The following SRC variants were observed in gnomAD, a reference collection of about 807,000 sequenced individuals.
SRC encodes proto-oncogene tyrosine-protein kinase Src.
SRC carries 13 observed loss-of-function variants against 62.9 expected under a neutral mutation model. That is an observed-to-expected ratio of 0.21 (90% CI 0.13 to 0.33). The LOEUF is 0.33. SRC is among the 10% of genes least tolerant of loss of function. The pLI is 1.00. For missense variants in SRC, 457 were observed against 737.3 expected (o/e 0.62, Z 4.40); for synonymous variants, 302 against 317.5 (o/e 0.95, Z 0.52).
rs1468609077 is a variant in SRC at position 37,379,757 on chromosome 20, G to A, written c.-172-2862G>A. Among the ~76,000 whole-genome samples the A allele has an allele frequency of 2.7e-5, 4 of 149,954 alleles. No homozygotes were observed. In the East Asian group the frequency reaches 7.8e-4, roughly 29 times the overall value. ...AAATAATAATAATAATTAGCCAGGCGTGGTATTCGGTGACTGTAATCCCAG... is the reference window on the plus strand; with the variant it reads ...AAATAATAATAATAATTAGCCAGGCATGGTATTCGGTGACTGTAATCCCAG... On this transcript the variant is annotated intron_variant, in intron 2 of 13. Transcript: ENST00000373578.
chr20:37,393,380 G>A (rs1055926651), intron 5 of SRC, among the ~76,000 whole-genome samples: 3 of 152,226 alleles, frequency 2.0e-5, no homozygotes, highest in Non-Finnish European at 4.4e-5. Flanking sequence ...GCCCCTGCTT[G>A]CCTCCACCCA....
Position 37,402,339 on chromosome 20 carries a change from G to A in SRC, c.1117-96G>A, listed in dbSNP as rs2070750162. 1 of 1,470,880 alleles carries A rather than the reference G, an allele frequency of 6.8e-7. No homozygotes were observed. Among genetic ancestry groups the A allele is most frequent in the African/African-American group, 1.4e-5 (1 of 70,918 alleles). The allele number at this position is 1,470,880 out of a possible 1,614,324, so 91.1% of individuals were successfully genotyped here. On this transcript the variant is annotated intron_variant, in intron 11 of 13. Transcript: ENST00000373578. The surrounding 1 kb of genome is among the most constrained non-coding windows in gnomAD (Gnocchi z 6.2). ...TGCCTGAAGAAGTGTGGGGAGGGTGGGGAAGGGGTGGTTGGCTCTCCAGCC... is the reference window on the plus strand; with the variant it reads ...TGCCTGAAGAAGTGTGGGGAGGGTGAGGAAGGGGTGGTTGGCTCTCCAGCC...
Position 37,393,957 on chromosome 20 carries a change from A to G in SRC, c.413A>G (p.Asn138Ser). 1 of 1,614,068 alleles carries G rather than the reference A, an allele frequency of 6.2e-7. No homozygotes were observed. Among genetic ancestry groups the G allele is most frequent in the Non-Finnish European group, 8.5e-7 (1 of 1,180,008 alleles). Residue 138 changes from asparagine to serine, a missense_variant, in exon 6 of 14, where the codon AAC becomes AGC. By Grantham distance (46) the Asn-to-Ser change is conservative. Coordinates refer to ENST00000373578, the MANE Select transcript of SRC (RefSeq NM_198291.3). ...GGACAGACAGGCTACATCCCCAGCA[A>G]CTACGTGGCGCCCTCCGACTCCATC... The part of the protein sequence containing the change: ...STGQTGYIPS[N>S]YVAPSDSIQA...
chr20:37,394,595 G>A (rs946493107), intron 7 of SRC, among the ~76,000 whole-genome samples: 5 of 152,122 alleles, frequency 3.3e-5, no homozygotes, highest in African/African-American at 1.2e-4. Context: ...GCTACAATGA[G>A]CCCCGCTTCT....
Position 37,397,914 on chromosome 20 carries a change from C to T in SRC, c.859+60C>T, listed in dbSNP as rs575578637. ...CACCCCCCACCCCGTGTGGCAGCTC[C>T]GGGCTCCCTTGGTCCCTTTGCCTTT... On this transcript the variant is annotated intron_variant, in intron 9 of 13. Coordinates refer to ENST00000373578, the MANE Select transcript of SRC (RefSeq NM_198291.3). This position sits in a 1 kb window ranked among gnomAD's most constrained non-coding sequence, Gnocchi z 4.1. 15 of 1,542,272 alleles carry T rather than the reference C, an allele frequency of 9.7e-6. No homozygotes were observed. The highest frequency in any genetic ancestry group is 7.2e-5 in the East Asian group (3 of 41,764).
intron 5 of SRC, among the ~76,000 whole-genome samples, chr20:37,388,617 G>A (rs1046870919): frequency 2.0e-5 from 3 of 152,204 alleles, no homozygotes; most frequent in East Asian, 1.9e-4. Context: ...GTGTGGTGGC[G>A]CATGCCAGTG....
chr20:37,373,465 A>T (rs1422313422), intron 2 of SRC, among the ~76,000 whole-genome samples: 2 of 144,324 alleles, frequency 1.4e-5, no homozygotes, highest in African/African-American at 5.4e-5. Context: ...GCATATATAC[A>T]CACACACATA....
chr20:37,373,137 CAT>C (rs909497020), intron 2 of SRC, among the ~76,000 whole-genome samples: 4 of 140,414 alleles, frequency 2.8e-5, no homozygotes, highest in Non-Finnish European at 4.5e-5. Flanking sequence ...CATATATACA[CAT>C]ATGTACATAT....
intron 5 of SRC, 100 bp from the exon 6 acceptor site, chr20:37,393,795 C>A: frequency 1.2e-6 from 1 of 860,410 alleles, no homozygotes; most frequent in Non-Finnish European, 1.9e-6. Flanking sequence ...CCTCCCTCAG[C>A]CACTAGAGCC....
intron 10 of SRC, 148 bp downstream of exon 10, chr20:37,400,442 G>A: frequency 1.4e-6 from 1 of 712,094 alleles, no homozygotes; most frequent in South Asian, 2.4e-5. Context: ...CCGGAGTGTG[G>A]TGGTGCAATC....
chr20:37,370,429 G>A (rs920101761), intron 2 of SRC, among the ~76,000 whole-genome samples: 2 of 152,154 alleles, frequency 1.3e-5, no homozygotes, highest in African/African-American at 4.8e-5. Flanking sequence ...ACAAAAATTA[G>A]CCGGCTGTGC....
intron 1 of SRC, among the ~76,000 whole-genome samples, chr20:37,354,042 G>A (rs756453940): frequency 1.1e-4 from 16 of 152,186 alleles, no homozygotes; most frequent in Admixed American, 7.2e-4. Context: ...TGCTCGGTGC[G>A]TGTTATTTTA....
chr20:37,400,107 C>G lies in SRC; in HGVS notation c.860-8C>G. The stretch of plus-strand genomic sequence containing the variant: ...TCCACTGAGTCAGCCTGCATCCCTC[C>G]TCAACAGGGACCTGGAACGGTACCA... On this transcript the variant is annotated splice_region_variant and splice_polypyrimidine_tract_variant and intron_variant, in intron 9 of 13. Coordinates refer to ENST00000373578, the MANE Select transcript of SRC (RefSeq NM_198291.3). 1 of 1,595,522 alleles carries G rather than the reference C, an allele frequency of 6.3e-7. No individual in the cohort carries two copies. The highest frequency in any genetic ancestry group is 8.6e-7 in the Non-Finnish European group (1 of 1,169,290).
intron 1 of SRC, among the ~76,000 whole-genome samples, chr20:37,353,717 C>A (rs1419129198): frequency 6.6e-6 from 1 of 152,148 alleles, no homozygotes; most frequent in Non-Finnish European, 1.5e-5. Context: ...GGATTTGAAC[C>A]CAGGGCTTCC....
chr20:37,403,682 G>C lies in SRC; in HGVS notation c.*303G>C. 1 of 446,026 alleles carries C rather than the reference G, an allele frequency of 2.2e-6. No individual in the cohort carries two copies. The highest frequency in any genetic ancestry group is 4.1e-6 in the Non-Finnish European group (1 of 243,932). The allele number at this position is 446,026 out of a possible 1,614,324, so 27.6% of individuals were successfully genotyped here. On this transcript the variant is annotated 3_prime_UTR_variant, in exon 14 of 14. Coordinates refer to ENST00000373578, the MANE Select transcript of SRC (RefSeq NM_198291.3). This position sits in a 1 kb window ranked among gnomAD's most constrained non-coding sequence, Gnocchi z 7.1. ...CTCTGGAAGAGGAACCAGGAGAAGG[G>C]CTGGGGCCGGGGCTGAGGGTGCCCT...
chr20:37,357,750 G>T lies in SRC; in HGVS notation c.-246-7454G>T, dbSNP rs186207934. On this transcript the variant is annotated intron_variant, in intron 1 of 13. Coordinates refer to ENST00000373578, the MANE Select transcript of SRC (RefSeq NM_198291.3). The stretch of plus-strand genomic sequence containing the variant: ...ACTTGGAGAGCAGAGTTGGCTGGGT[G>T]TATCAAGAAACAGGTGGTCGAGCAA... Among the ~76,000 whole-genome samples, 532 of 152,340 alleles carry T rather than the reference G, an allele frequency of 3.5e-3. 3 individuals are homozygous for T. Among genetic ancestry groups the T allele is most frequent in the African/African-American group, 0.012 (501 of 41,574 alleles).
At position 37,402,216 on chromosome 20, in the gene SRC, G is replaced by GC; in HGVS notation, c.1117-217dup. The GC allele has an allele frequency of 1.9e-6, 1 of 522,232 alleles. No homozygotes were observed. The highest frequency in any genetic ancestry group is 3.3e-5 in the East Asian group (1 of 30,348). The allele number at this position is 522,232 out of a possible 1,614,324, so 32.3% of individuals were successfully genotyped here. ...ATCTCGTGCCTCCCCTTTGACCTTTGCCTTCTGCCCTCTGCTCTGTGCCCT... is the reference window on the plus strand; with the variant it reads ...ATCTCGTGCCTCCCCTTTGACCTTTGCCCTTCTGCCCTCTGCTCTGTGCCCT... On this transcript the variant is annotated intron_variant, in intron 11 of 13. Transcript: ENST00000373578. The surrounding 1 kb of genome is among the most constrained non-coding windows in gnomAD (Gnocchi z 6.2).
chr20:37,393,838 C>T lies in SRC; in HGVS notation c.351-57C>T, dbSNP rs368199425. On this transcript the variant is annotated intron_variant, in intron 5 of 13. Coordinates refer to ENST00000373578, the MANE Select transcript of SRC (RefSeq NM_198291.3). The stretch of plus-strand genomic sequence containing the variant: ...CAGCACCTAGGAGGATGGTGGGCAC[C>T]GGGCTTGTGGCTGACGGCTCCCTTC... The T allele has an allele frequency of 1.9e-4, 254 of 1,368,230 alleles. 2 individuals carry two copies. The East Asian group carries it at 4.0e-3, about 22-fold the overall frequency. The allele number at this position is 1,368,230 out of a possible 1,614,324, so 84.8% of individuals were successfully genotyped here.
At chr20:37,395,630 G>A (rs1266249343) in intron 7 of SRC, among the ~76,000 whole-genome samples, 4 of 152,138 alleles carry the variant, frequency 2.6e-5, no homozygotes, top group Non-Finnish European at 4.4e-5. Context: ...ACCCCCTCCC[G>A]CCTGAGCCTG....
Sources: allele counts gnomAD v4.1 joint callset (sites outside exome capture counted in the v4.1 genomes callset), GRCh38; gene constraint gnomAD v4.1.1; non-coding constraint Gnocchi (gnomAD v3.1); transcripts MANE v1.5; gene names NCBI Gene and HGNC (gene_info 2026-07-23, HGNC 2026-07-21).